ARGLU1: variants seen among roughly 807,000 people sequenced by gnomAD.
ARGLU1 encodes the protein arginine and glutamate rich 1, also known as arginine and glutamate-rich protein 1.
ARGLU1 carries 9 observed loss-of-function variants against 37.6 expected under a neutral mutation model. That is an observed-to-expected ratio of 0.24 (90% CI 0.14 to 0.42). The LOEUF is 0.42. Ranked by LOEUF, ARGLU1 falls within the 10% of genes least tolerant of loss-of-function variation. The pLI, the probability that ARGLU1 is intolerant of heterozygous loss-of-function variation, is 1.00. For missense variants in ARGLU1, 211 were observed against 359.2 expected (o/e 0.59, Z 3.34); for synonymous variants, 166 against 138.5 (o/e 1.20, Z -1.39).
intron 3 of ARGLU1, among the ~76,000 whole-genome samples, chr13:106,550,134 A>G (rs1416369808): frequency 3.3e-5 from 5 of 152,156 alleles, no homozygotes; most frequent in African/African-American, 1.2e-4. Flanking sequence ...TTACATCAGG[A>G]GTGTCTTTTC....
chr13:106,553,771 G>A (rs1880591870), intron 3 of ARGLU1, among the ~76,000 whole-genome samples: 1 of 152,140 alleles, frequency 6.6e-6, no homozygotes, highest in African/African-American at 2.4e-5. Context: ...TTACTGATCT[G>A]TAACATCATT....
At position 106,557,676 on chromosome 13, in the gene ARGLU1, T is replaced by C; in HGVS notation, c.574-545A>G. The C allele has an allele frequency of 6.4e-7, 1 of 1,550,596 alleles. No homozygotes were observed. The highest frequency in any genetic ancestry group is 8.7e-7 in the Non-Finnish European group (1 of 1,146,044). On this transcript the variant is annotated intron_variant, in intron 2 of 3. Coordinates refer to ENST00000400198, the MANE Select transcript of ARGLU1 (RefSeq NM_018011.4). This position sits in a 1 kb window ranked among gnomAD's most constrained non-coding sequence, Gnocchi z 5.0. ...CCTGCATCAGCAGCTCAACCATTTA[T>C]AAAGAAACAACATACAAGGAAGGCT...
intron 2 of ARGLU1, 167 bp downstream of exon 2, chr13:106,559,265 A>C: frequency 6.5e-7 from 1 of 1,534,762 alleles, no homozygotes; most frequent in Non-Finnish European, 8.7e-7. Context: ...ATCAGTCAGC[A>C]CTTCTGAATA....
At chr13:106,545,299 T>A (rs1880362703) in intron 3 of ARGLU1, among the ~76,000 whole-genome samples, 1 of 152,178 alleles carries the variant, frequency 6.6e-6, no homozygotes, top group South Asian at 2.1e-4. Context: ...CTTTTTCCCC[T>A]CTATCTGACA....
intron 3 of ARGLU1, among the ~76,000 whole-genome samples, chr13:106,548,842 G>A (rs1450760703): frequency 5.3e-5 from 8 of 152,110 alleles, no homozygotes; most frequent in African/African-American, 1.4e-4. Flanking sequence ...TCCGCCTCCC[G>A]GGTTCATGCG....
rs1186988499 is a variant in ARGLU1 at position 106,567,824 on chromosome 13, C to A, written c.96G>T (p.Arg32=). 2 of 1,613,712 alleles carry A rather than the reference C, an allele frequency of 1.2e-6. No individual in the cohort carries two copies. The highest frequency in any genetic ancestry group is 4.5e-5 in the East Asian group (2 of 44,822). ...AACGCTTCCGCACGCGCTCCTTGTCCCGGGATCGCGACCGGGACCGGCTGC... is the reference window on the plus strand; with the variant it reads ...AACGCTTCCGCACGCGCTCCTTGTCACGGGATCGCGACCGGGACCGGCTGC... ...KKRSRSRSRS[R]DKERVRKRSK... Residue 32 remains arginine (R), a synonymous_variant, in exon 1 of 4, where the codon CGG becomes CGT. Coordinates refer to ENST00000400198, the MANE Select transcript of ARGLU1 (RefSeq NM_018011.4). This position sits in a 1 kb window ranked among gnomAD's most constrained non-coding sequence, Gnocchi z 4.3.
chr13:106,548,023 G>A (rs754975654), intron 3 of ARGLU1, among the ~76,000 whole-genome samples: 5 of 152,034 alleles, frequency 3.3e-5, no homozygotes, highest in Non-Finnish European at 7.4e-5. Context: ...CCGGGACTAC[G>A]GCTCAACAAT....
In ARGLU1 at chr13:106,567,275, C is replaced by T. The variant is rs962266340; in HGVS notation, c.347+298G>A. 6.6e-6 allele frequency among the ~76,000 whole-genome samples: 1 copy of T among 151,872 alleles called. No homozygotes were observed. Among genetic ancestry groups the T allele is most frequent in the Non-Finnish European group, 1.5e-5 (1 of 67,994 alleles). On this transcript the variant is annotated intron_variant, in intron 1 of 3. Coordinates refer to ENST00000400198, the MANE Select transcript of ARGLU1 (RefSeq NM_018011.4). The surrounding 1 kb of genome is among the most constrained non-coding windows in gnomAD (Gnocchi z 4.3). ...TCTCCGACCTCACTCCGAACTCCAC[C>T]CCTACTTCCGGGACACCACTCCTCT... is the stretch of plus-strand genomic sequence containing the variant.
intron 3 of ARGLU1, among the ~76,000 whole-genome samples, chr13:106,554,330 G>C (rs1020575566): frequency 6.6e-6 from 1 of 152,146 alleles, no homozygotes; most frequent in Admixed American, 6.5e-5. Context: ...CTAGAGGCCA[G>C]AATGCTTCTC....
chr13:106,553,943 C>T lies in ARGLU1; in HGVS notation c.657+3105G>A, dbSNP rs112967055. ...TTACTATAGCTCCTTCTTCCAATAT[C>T]CCAAGTTTCCACACCCTAGCCTTTG... On this transcript the variant is annotated intron_variant, in intron 3 of 3. Coordinates refer to ENST00000400198, the MANE Select transcript of ARGLU1 (RefSeq NM_018011.4). Among the ~76,000 whole-genome samples the T allele has an allele frequency of 6.8e-3, 1,033 of 152,282 alleles. 4 individuals are homozygous for T. The highest frequency in any genetic ancestry group is 0.012 in the African/African-American group (518 of 41,552).
At chr13:106,544,900 G>A (rs1274395542) in intron 3 of ARGLU1, among the ~76,000 whole-genome samples, 1 of 152,162 alleles carries the variant, frequency 6.6e-6, no homozygotes, top group African/African-American at 2.4e-5. Flanking sequence ...AAAGGACACT[G>A]GTATAACTGA....
chr13:106,545,563 T>C (rs144999523), intron 3 of ARGLU1, among the ~76,000 whole-genome samples: 114 of 152,322 alleles, frequency 7.5e-4, no homozygotes, highest in Admixed American at 2.9e-3. Flanking sequence ...TCCATTGATA[T>C]ATATGTATTT....
rs775594566 is a variant in ARGLU1, at chr13:106,567,945, C to G, written c.-26G>C. 2 of 1,573,342 alleles carry G rather than the reference C, an allele frequency of 1.3e-6. No homozygotes were observed. Among genetic ancestry groups the G allele is most frequent in the South Asian group, 2.3e-5 (2 of 86,176 alleles). On this transcript the variant is annotated 5_prime_UTR_variant, in exon 1 of 4. Coordinates refer to ENST00000400198, the MANE Select transcript of ARGLU1 (RefSeq NM_018011.4). The surrounding 1 kb of genome is among the most constrained non-coding windows in gnomAD (Gnocchi z 4.3). ...CCTTCCGGGAGACGCTCTAACCGCT[C>G]GCCTCAGGCCCCTCACGCGGCCAGT...
intron 1 of ARGLU1, among the ~76,000 whole-genome samples, chr13:106,566,737 T>C (rs953895055): frequency 5.9e-5 from 9 of 152,194 alleles, no homozygotes; most frequent in Non-Finnish European, 1.2e-4. Context: ...CTAAATATCC[T>C]TCATGGGAGC....
intron 1 of ARGLU1, among the ~76,000 whole-genome samples, chr13:106,561,089 A>G (rs923442827): frequency 1.1e-4 from 17 of 152,100 alleles, no homozygotes; most frequent in Non-Finnish European, 2.4e-4. Context: ...GAGAAAGAAT[A>G]TTTTCCTTTA....
rs572170225 is a variant in ARGLU1 at position 106,559,663 on chromosome 13, A to G, written c.348-6T>C. The G allele has an allele frequency of 1.9e-6, 3 of 1,602,206 alleles. No homozygotes were observed. The highest frequency in any genetic ancestry group is 2.7e-5 in the African/African-American group (2 of 74,166). Reference sequence around the variant, plus strand: ...CTTCTATTTCTTGCTGTCGACTAGCAAACAAAGTGAAAAAAACAAGTTAGG... The same window carrying G: ...CTTCTATTTCTTGCTGTCGACTAGCGAACAAAGTGAAAAAAACAAGTTAGG... On this transcript the variant is annotated splice_polypyrimidine_tract_variant and splice_region_variant and intron_variant, in intron 1 of 3. Transcript: ENST00000400198.
rs1880682769 is a variant in ARGLU1, at chr13:106,557,185, G to T, written c.574-54C>A. ...GAAAAACAAAATGTTTATTTTTATT[G>T]ATAAATATTTACTAATCTTCCTCTG... On this transcript the variant is annotated intron_variant, in intron 2 of 3. Transcript: ENST00000400198. This position sits in a 1 kb window ranked among gnomAD's most constrained non-coding sequence, Gnocchi z 5.0. 3 of 1,434,698 alleles carry T rather than the reference G, an allele frequency of 2.1e-6. No homozygotes were observed. Among genetic ancestry groups the T allele is most frequent in the South Asian group, 1.2e-5 (1 of 84,970 alleles). The allele number at this position is 1,434,698 out of a possible 1,614,324, so 88.9% of individuals were successfully genotyped here. A position where few individuals can be genotyped will look rare whatever the true frequency, so the allele number is the denominator to read the frequency against.
In ARGLU1 at chr13:106,557,877, A is replaced by G; in HGVS notation, c.574-746T>C. ...TGGGGAAAATGGACTTAACATTCAG[A>G]TGTTGACAATTTCGGAAGGCAGCTT... On this transcript the variant is annotated intron_variant, in intron 2 of 3. Transcript: ENST00000400198. The surrounding 1 kb of genome is among the most constrained non-coding windows in gnomAD (Gnocchi z 5.0). 1.0e-6 allele frequency: 1 copy of G among 985,460 alleles called. No homozygotes were observed. The highest frequency in any genetic ancestry group is 1.2e-6 in the Non-Finnish European group (1 of 829,920). The allele number at this position is 985,460 out of a possible 1,614,324, so 61.0% of individuals were successfully genotyped here. A position where few individuals can be genotyped will look rare whatever the true frequency, so the allele number is the denominator to read the frequency against.
intron 3 of ARGLU1, among the ~76,000 whole-genome samples, chr13:106,544,585 T>C (rs1259070076): frequency 5.3e-5 from 8 of 152,192 alleles, no homozygotes; most frequent in Admixed American, 5.2e-4. Flanking sequence ...CCTATTTTTA[T>C]CTCTAACTTC....
Sources: allele counts gnomAD v4.1 joint callset (sites outside exome capture counted in the v4.1 genomes callset), GRCh38; gene constraint gnomAD v4.1.1; non-coding constraint Gnocchi (gnomAD v3.1); transcripts MANE v1.5; gene names NCBI Gene and HGNC (gene_info 2026-07-23, HGNC 2026-07-21).